The following KCNQ2 variants were observed in gnomAD, a reference collection of about 807,000 sequenced individuals.
The protein encoded by KCNQ2 is potassium voltage-gated channel subfamily KQT member 2.
Under a neutral mutation model 84.8 loss-of-function variants are expected in KCNQ2, and 14 were observed. That is an observed-to-expected ratio of 0.17 (90% confidence interval 0.11 to 0.26). The LOEUF is 0.26. Among genes scored for constraint, KCNQ2 ranks in the 10% least tolerant of loss-of-function variants. KCNQ2 has a pLI of 1.00. For synonymous variants in KCNQ2, 599 were observed against 554.1 expected, an observed-to-expected ratio of 1.08 and a Z score of -1.14; for missense variants, 788 against 1,254.0, an observed-to-expected ratio of 0.63 and a Z score of 5.61.
rs1239871408 is a variant in KCNQ2 at position 63,439,888 on chromosome 20, C to T, written c.817-180G>A. On this transcript the variant is annotated intron_variant, in intron 5 of 16. Coordinates refer to ENST00000359125, the MANE Select transcript of KCNQ2 (RefSeq NM_172107.4). Reference sequence around the variant, plus strand: ...TGTCGGCCGCCCCTCATCCCCTGAGCCCTCTCTCCTCTTCCCCTACAGGCC... The same window carrying T: ...TGTCGGCCGCCCCTCATCCCCTGAGTCCTCTCTCCTCTTCCCCTACAGGCC... 3.2e-5 allele frequency: 21 copies of T among 660,796 alleles called. No homozygotes were observed. In the Admixed American group the frequency reaches 4.4e-4, roughly 14 times the overall value. 40.9% of individuals were successfully genotyped at this position (660,796 alleles called of 1,614,324 possible).
intron 9 of KCNQ2, among the ~76,000 whole-genome samples, 176 bp downstream of exon 9, chr20:63,431,164 C>T (rs2080774999): frequency 6.6e-6 from 1 of 151,990 alleles, no homozygotes; most frequent in Admixed American, 6.5e-5. Flanking sequence ...GGTGATCTGG[C>T]CGCCCAGCAT....
intron 4 of KCNQ2, among the ~76,000 whole-genome samples, chr20:63,442,746 C>T (rs1221145683): frequency 5.8e-5 from 5 of 86,512 alleles, no homozygotes; most frequent in African/African-American, 2.0e-4. Flanking sequence ...TCCACCATCA[C>T]CACCATCACC....
intron 5 of KCNQ2, among the ~76,000 whole-genome samples, chr20:63,441,468 G>C (rs1468555073): frequency 2.0e-5 from 3 of 152,148 alleles, no homozygotes; most frequent in African/African-American, 7.2e-5. Context: ...GTAACTCTCT[G>C]ACATTTAAAA....
chr20:63,414,883 G>C lies in KCNQ2; in HGVS notation c.1525+20C>G, dbSNP rs1406729522. 1 of 1,609,588 alleles carries C rather than the reference G, an allele frequency of 6.2e-7. No individual in the cohort carries two copies. The highest frequency in any genetic ancestry group is 8.5e-7 in the Non-Finnish European group (1 of 1,177,858). Reference sequence around the variant, plus strand: ...CATCCCCGGAGAGGATGGACCAGGAGAGGATGCGGCCACACCCACCTTCTG... The same window carrying C: ...CATCCCCGGAGAGGATGGACCAGGACAGGATGCGGCCACACCCACCTTCTG... On this transcript the variant is annotated intron_variant, in intron 13 of 16. Transcript: ENST00000359125. The surrounding 1 kb of genome is among the most constrained non-coding windows in gnomAD (Gnocchi z 6.6).
Position 63,439,463 on chromosome 20 carries a change from G to A in KCNQ2, c.927+135C>T, listed in dbSNP as rs998946171. 1.7e-5 allele frequency: 12 copies of A among 719,298 alleles called. No individual in the cohort carries two copies. In the African/African-American group the frequency reaches 1.7e-4, roughly 10 times the overall value. The allele number at this position is 719,298 out of a possible 1,614,324, so 44.6% of individuals were successfully genotyped here. The stretch of plus-strand genomic sequence containing the variant: ...CCCTGAGCTGCCACCTCCAGCTCCT[G>A]GGGGCTGTGGACCTGCTGAGAGCTG... On this transcript the variant is annotated intron_variant, in intron 6 of 16. Coordinates refer to ENST00000359125, the MANE Select transcript of KCNQ2 (RefSeq NM_172107.4).
chr20:63,446,349 C>A lies in KCNQ2; in HGVS notation c.387+398G>T. ...CCCGTTGCCATGGCGCCCACCCTGCCCTGGCACAGGGTTGCTGCAAGCGTC... is the reference window on the plus strand; with the variant it reads ...CCCGTTGCCATGGCGCCCACCCTGCACTGGCACAGGGTTGCTGCAAGCGTC... On this transcript the variant is annotated intron_variant, in intron 2 of 16. Transcript: ENST00000359125. The surrounding 1 kb of genome is among the most constrained non-coding windows in gnomAD (Gnocchi z 5.5). The A allele has an allele frequency of 3.4e-6, 1 of 296,910 alleles. No homozygotes were observed. The allele number at this position is 296,910 out of a possible 1,614,324, so 18.4% of individuals were successfully genotyped here.
At chr20:63,444,995 A>G (rs557998079) in intron 3 of KCNQ2, among the ~76,000 whole-genome samples, 161 bp from the exon 4 acceptor site, 1 of 152,256 alleles carries the variant, frequency 6.6e-6, no homozygotes, top group South Asian at 2.1e-4. Flanking sequence ...GGACATTACT[A>G]TCGTCCACCC....
chr20:63,432,592 A>G (rs191783329), intron 8 of KCNQ2, among the ~76,000 whole-genome samples: 1 of 46,620 alleles, frequency 2.1e-5, no homozygotes, highest in African/African-American at 8.0e-5. Context: ...GGATCCACCC[A>G]CAGGGAAGGC....
intron 1 of KCNQ2, chr20:63,459,469 G>C (rs2081893800): frequency 1.3e-5 from 2 of 152,220 alleles, no homozygotes; most frequent in African/African-American, 4.8e-5. Flanking sequence ...CTGTGATTGA[G>C]ACACTGCACT....
At chr20:63,435,761 C>T (rs1427972988) in intron 7 of KCNQ2, among the ~76,000 whole-genome samples, 2 of 152,224 alleles carry the variant, frequency 1.3e-5, no homozygotes, top group African/African-American at 4.8e-5. Context: ...TGAACGGCTG[C>T]CAACTCTGGT....
chr20:63,462,549 CG>C (rs2081984222), intron 1 of KCNQ2, among the ~76,000 whole-genome samples: 1 of 152,232 alleles, frequency 6.6e-6, no homozygotes, highest in Non-Finnish European at 1.5e-5. Flanking sequence ...CCAGCCTGGA[CG>C]GGTTTCCACA....
At chr20:63,450,320 G>A (rs1209028320) in intron 1 of KCNQ2, among the ~76,000 whole-genome samples, 1 of 150,944 alleles carries the variant, frequency 6.6e-6, no homozygotes, top group East Asian at 2.0e-4. Context: ...GCCCAGCAAG[G>A]CCACCACACA....
At position 63,445,489 on chromosome 20, in the gene KCNQ2, A is replaced by T. The variant is rs1015507339; in HGVS notation, c.388-125T>A. 7 of 950,794 alleles carry T rather than the reference A, an allele frequency of 7.4e-6. No individual in the cohort carries two copies. In the East Asian group the frequency reaches 1.9e-4, roughly 25 times the overall value. 58.9% of individuals were successfully genotyped at this position (950,794 alleles called of 1,614,324 possible). On this transcript the variant is annotated intron_variant, in intron 2 of 16. Transcript: ENST00000359125. ...CACAGGGCAGGAGGCCCCCAAAGGA[A>T]ACTGCAAGCTGACCCCCCCACCCCT... is the stretch of plus-strand genomic sequence containing the variant.
chr20:63,411,240 C>T (rs1416162691), intron 15 of KCNQ2, among the ~76,000 whole-genome samples: 1 of 152,200 alleles, frequency 6.6e-6, no homozygotes, highest in Non-Finnish European at 1.5e-5. Flanking sequence ...CTGTATCTTC[C>T]ACGAGAGGGA....
Position 63,401,085 on chromosome 20 carries a change from G to A in KCNQ2, c.*5559C>T. The A allele has an allele frequency of 2.6e-6, 1 of 389,486 alleles. No individual in the cohort carries two copies. The highest frequency in any genetic ancestry group is 3.6e-5 in the East Asian group (1 of 27,400). The allele number at this position is 389,486 out of a possible 1,614,324, so 24.1% of individuals were successfully genotyped here. A position where few individuals can be genotyped will look rare whatever the true frequency, so the allele number is the denominator to read the frequency against. ...AGAGTCAGACGCTGAGGACCTCTCA[G>A]GACGGGGCCCCTGGCCAGAGCCAGT... On this transcript the variant is annotated 3_prime_UTR_variant, in exon 17 of 17. Coordinates refer to ENST00000359125, the MANE Select transcript of KCNQ2 (RefSeq NM_172107.4).
chr20:63,439,765 G>T, intron 5 of KCNQ2, 57 bp from the exon 6 acceptor site: 1 of 1,338,520 alleles, frequency 7.5e-7, no homozygotes. Context: ...CTGAGGGCAG[G>T]CTGGACGCCC....
At chr20:63,442,184 G>A (rs945862560) in intron 5 of KCNQ2, among the ~76,000 whole-genome samples, 10 of 151,882 alleles carry the variant, frequency 6.6e-5, no homozygotes, top group Admixed American at 6.6e-5. Flanking sequence ...TGCCCACCAC[G>A]GCTGAGCTCA....
chr20:63,440,175 T>G (rs1568928735), intron 5 of KCNQ2, among the ~76,000 whole-genome samples: 1 of 148,694 alleles, frequency 6.7e-6, no homozygotes, highest in Non-Finnish European at 1.5e-5. Context: ...GGCGGGGGAG[T>G]GGTCTCCACC....
Position 63,406,912 on chromosome 20 carries a change from C to A in KCNQ2, c.2351G>T (p.Ser784Ile). 1 of 1,610,120 alleles carries A rather than the reference C, an allele frequency of 6.2e-7. No homozygotes were observed. The highest frequency in any genetic ancestry group is 1.3e-5 in the African/African-American group (1 of 75,042). ...GGACGGGATGGAGATGGACGTGTCG[C>A]TGTCCCGCAGGTTCCCCTCGGGGGG... ...CRPPEGNLRD[S>I]DTSISIPSVD... Residue 784 changes from serine to isoleucine, a missense_variant, in exon 17 of 17, where the codon AGC (serine) becomes ATC (isoleucine). By Grantham distance (142) the Ser-to-Ile change is moderately radical (BLOSUM62 -2). Around this residue, in one of 8 missense-constraint regions of KCNQ2, gnomAD observed 378 missense variants for 434.5 expected, o/e 0.87. Coordinates refer to ENST00000359125, the MANE Select transcript of KCNQ2 (RefSeq NM_172107.4).
Sources: gnomAD v4.1 joint callset for allele counts (sites outside exome capture counted in the v4.1 genomes callset) on GRCh38, gnomAD v4.1.1 for gene constraint, gnomAD v4.1.1 regional missense constraint, Gnocchi (gnomAD v3.1) non-coding constraint, MANE v1.5 for transcripts, NCBI Gene and HGNC (gene_info 2026-07-23, HGNC 2026-07-21) for gene names.